CPNE8: variants seen among roughly 807,000 people sequenced by gnomAD.
CPNE8 encodes the protein copine-8.
In CPNE8, 45 loss-of-function variants were observed where a neutral mutation model predicts 81.5. The ratio of observed to expected loss-of-function variants is 0.55; its 90% CI spans 0.44 to 0.71. CPNE8 has a LOEUF of 0.71. Among genes scored for constraint, CPNE8 ranks in the 30% least tolerant of loss-of-function variants. The pLI is 0.00. For missense variants in CPNE8, 594 were observed against 672.1 expected (o/e 0.88, Z 1.28); for synonymous variants, 252 against 226.3 (o/e 1.11, Z -1.02).
At chr12:38,867,105 C>A (rs1171102177) in intron 3 of CPNE8, among the ~76,000 whole-genome samples, 1 of 152,024 alleles carries the variant, frequency 6.6e-6, no homozygotes, top group Non-Finnish European at 1.5e-5. Context: ...GTGACCTGCC[C>A]ACCTCACCCT....
intron 8 of CPNE8, among the ~76,000 whole-genome samples, chr12:38,766,024 A>G (rs1463666659): frequency 6.6e-6 from 1 of 152,024 alleles, no homozygotes; most frequent in Non-Finnish European, 1.5e-5. Context: ...ACGCCCAGCT[A>G]ATTTTTTGTA....
chr12:38,674,711 A>G (rs1319370178), intron 18 of CPNE8, among the ~76,000 whole-genome samples: 4 of 152,188 alleles, frequency 2.6e-5, no homozygotes, highest in Non-Finnish European at 2.9e-5. Flanking sequence ...GAATTTAGGG[A>G]TTCCAGGGTC....
At chr12:38,887,107 G>A (rs1323423972) in intron 1 of CPNE8, among the ~76,000 whole-genome samples, 3 of 152,170 alleles carry the variant, frequency 2.0e-5, no homozygotes, top group Non-Finnish European at 4.4e-5. Flanking sequence ...AGGGACAGCA[G>A]ACAGCAAGGT....
intron 10 of CPNE8, among the ~76,000 whole-genome samples, chr12:38,758,090 C>G (rs1385448632): frequency 1.3e-5 from 2 of 152,018 alleles, no homozygotes; most frequent in African/African-American, 4.8e-5. Flanking sequence ...AAGTAAATTA[C>G]TATTTCTTGT....
chr12:38,737,180 T>C (rs990141671), intron 10 of CPNE8, among the ~76,000 whole-genome samples: 1 of 151,770 alleles, frequency 6.6e-6, no homozygotes. Context: ...GCAGCACTAT[T>C]ATAAAATGAT....
intron 7 of CPNE8, among the ~76,000 whole-genome samples, chr12:38,772,153 T>G (rs1412059071): frequency 6.6e-6 from 1 of 152,198 alleles, no homozygotes; most frequent in East Asian, 1.9e-4. Context: ...CACAAATGTC[T>G]GCTTCCACTT....
In CPNE8 at chr12:38,795,224, G is replaced by A. The variant is rs148657589; in HGVS notation, c.408-18923C>T. On this transcript the variant is annotated intron_variant, in intron 6 of 19. Transcript: ENST00000331366. Reference sequence around the variant, plus strand: ...TCGTGCAACTTCACCTTGTGAATGGGTAGGTCAATTCTCCATAATAAACTT... The same window carrying A: ...TCGTGCAACTTCACCTTGTGAATGGATAGGTCAATTCTCCATAATAAACTT... 5.3e-3 allele frequency among the ~76,000 whole-genome samples: 804 copies of A among 152,236 alleles called. 4 individuals are homozygous for A. The highest frequency in any genetic ancestry group is 7.9e-3 in the Admixed American group (121 of 15,284).
chr12:38,801,733 ACCCATCAGTGTGCTGTATTCAGGAAACC>A (rs1275991761), intron 6 of CPNE8, among the ~76,000 whole-genome samples: 2 of 74,590 alleles, frequency 2.7e-5, no homozygotes, highest in Non-Finnish European at 5.2e-5. Context: ...AAGAGTCAAG[ACCCATCAGTGTGCTGTATTCAGGAAACC>A]CATCTCACGT....
chr12:38,879,325 T>C (rs1944116341), intron 1 of CPNE8, among the ~76,000 whole-genome samples: 1 of 152,134 alleles, frequency 6.6e-6, no homozygotes, highest in Middle Eastern at 3.4e-3. Context: ...TCCCCTTTTT[T>C]TTTTCCTTTT....
intron 10 of CPNE8, among the ~76,000 whole-genome samples, chr12:38,757,996 A>T (rs1941496021): frequency 1.3e-5 from 2 of 152,112 alleles, no homozygotes; most frequent in South Asian, 4.1e-4. Context: ...CTTCCCCCCA[A>T]GCAGTTGATG....
chr12:38,834,728 G>T (rs1412242615), intron 5 of CPNE8, among the ~76,000 whole-genome samples: 1 of 152,004 alleles, frequency 6.6e-6, no homozygotes, highest in Non-Finnish European at 1.5e-5. Context: ...TCCAAAAAAA[G>T]AAAAATCCAA....
At chr12:38,837,400 A>G (rs1290803398) in intron 5 of CPNE8, among the ~76,000 whole-genome samples, 1 of 152,162 alleles carries the variant, frequency 6.6e-6, no homozygotes, top group Non-Finnish European at 1.5e-5. Flanking sequence ...TGGAGTATGT[A>G]CTAGGAAATA....
At chr12:38,751,560 T>C (rs1206393630) in intron 10 of CPNE8, among the ~76,000 whole-genome samples, 2 of 152,210 alleles carry the variant, frequency 1.3e-5, no homozygotes, top group Non-Finnish European at 1.5e-5. Flanking sequence ...TGCTGTGGGA[T>C]GTTGAGTTAG....
At chr12:38,840,816 C>T (rs1943457851) in intron 4 of CPNE8, among the ~76,000 whole-genome samples, 1 of 152,144 alleles carries the variant, frequency 6.6e-6, no homozygotes, top group Admixed American at 6.5e-5. Context: ...GCAATACGAT[C>T]ATTCATTATC....
chr12:38,726,486 G>C (rs550907642), intron 11 of CPNE8: 61 of 152,202 alleles, frequency 4.0e-4, no homozygotes, highest in African/African-American at 1.3e-3. Context: ...ATGGTTCAAT[G>C]GTTATTCTAT....
At chr12:38,689,952 T>C (rs1259653198) in intron 15 of CPNE8, among the ~76,000 whole-genome samples, 2 of 152,234 alleles carry the variant, frequency 1.3e-5, no homozygotes, top group Admixed American at 6.5e-5. Context: ...TCCTTTCCTC[T>C]CCCATTCCTT....
intron 4 of CPNE8, among the ~76,000 whole-genome samples, chr12:38,844,472 G>A (rs1289956115): frequency 6.6e-6 from 1 of 152,020 alleles, no homozygotes. Flanking sequence ...CTTTCTCTGT[G>A]ATATATACAT....
At chr12:38,721,427 T>A (rs1940561709) in intron 13 of CPNE8, among the ~76,000 whole-genome samples, 1 of 152,000 alleles carries the variant, frequency 6.6e-6, no homozygotes, top group Non-Finnish European at 1.5e-5. Context: ...CAGGGTCCCC[T>A]CTCTGCTAGG....
chr12:38,716,569 G>A (rs1940398501), intron 13 of CPNE8, among the ~76,000 whole-genome samples: 1 of 151,974 alleles, frequency 6.6e-6, no homozygotes, highest in Non-Finnish European at 1.5e-5. Context: ...AAATGATACT[G>A]GGAAAACTGG....
Sources: allele counts gnomAD v4.1 joint callset (sites outside exome capture counted in the v4.1 genomes callset), GRCh38; gene constraint gnomAD v4.1.1; transcripts MANE v1.5; gene names NCBI Gene and HGNC (gene_info 2026-07-23, HGNC 2026-07-21).